The following EDN1 variants were observed in gnomAD, a reference collection of about 807,000 sequenced individuals.
EDN1 encodes the protein endothelin 1, also known as endothelin-1.
EDN1 carries 11 observed loss-of-function variants against 21.7 expected under a neutral mutation model. The observed-to-expected ratio is 0.51, with a 90% confidence interval of 0.32 to 0.84. The LOEUF (loss-of-function observed/expected upper bound fraction) is 0.84, where lower values mean the gene tolerates loss of function less well. Ranked by LOEUF, EDN1 falls within the 40% of genes least tolerant of loss-of-function variation. EDN1 has a pLI of 0.03. For synonymous variants in EDN1, 85 were observed against 90.6 expected (o/e 0.94, Z 0.35); for missense variants, 244 against 262.3 (o/e 0.93, Z 0.48).
the EDN1 span, among the ~76,000 whole-genome samples, chr6:12,241,166 C>CTTTTTTT: frequency 8.7e-4 from 121 of 138,336 alleles, 1 homozygote; most frequent in Non-Finnish European, 1.4e-3. Flanking sequence ...TTCTTTCTTT[C>CTTTTTTT]TTTTTTTTTT....
chr6:12,267,616 C>G, the EDN1 span, among the ~76,000 whole-genome samples: 1 of 152,144 alleles, frequency 6.6e-6, no homozygotes, highest in African/African-American at 2.4e-5. Flanking sequence ...AGGAAAGAAG[C>G]TATCTCCATA....
chr6:12,241,884 G>T, the EDN1 span, among the ~76,000 whole-genome samples: 2 of 152,160 alleles, frequency 1.3e-5, no homozygotes, highest in Admixed American at 6.5e-5. Context: ...GGAGAACAAG[G>T]GTGTGATGGT....
chr6:12,263,536 G>T, the EDN1 span, among the ~76,000 whole-genome samples: 1 of 152,160 alleles, frequency 6.6e-6, no homozygotes, highest in South Asian at 2.1e-4. Flanking sequence ...GTTTGGGTTT[G>T]TAGAGAGACT....
the EDN1 span, among the ~76,000 whole-genome samples, chr6:12,256,798 A>G: frequency 6.6e-6 from 1 of 152,248 alleles, no homozygotes; most frequent in Non-Finnish European, 1.5e-5. Flanking sequence ...AATTGTTTGC[A>G]TACTAGTACT....
chr6:12,274,939 C>CTCCTTCCTTCCTTCCTTCCTTCCT, the EDN1 span, among the ~76,000 whole-genome samples: 442 of 135,434 alleles, frequency 3.3e-3, 5 homozygotes, highest in South Asian at 0.014. Flanking sequence ...TTTCTTCCTT[C>CTCCTTCCTTCCTTCCTTCCTTCCT]TCCTTCCTTC....
At chr6:12,231,438 C>A in the EDN1 span, among the ~76,000 whole-genome samples, 1 of 152,170 alleles carries the variant, frequency 6.6e-6, no homozygotes, top group Non-Finnish European at 1.5e-5. Flanking sequence ...ATTCAAGACA[C>A]GTTTTATTGT....
chr6:12,273,822 GA>G, the EDN1 span, among the ~76,000 whole-genome samples: 1 of 152,060 alleles, frequency 6.6e-6, no homozygotes, highest in Non-Finnish European at 1.5e-5. Flanking sequence ...TGGAGAATTA[GA>G]ACTGTGTAGA....
At chr6:12,256,148 C>A in the EDN1 span, among the ~76,000 whole-genome samples, 1 of 152,070 alleles carries the variant, frequency 6.6e-6, no homozygotes, top group African/African-American at 2.4e-5. Flanking sequence ...GAGTTTGAGA[C>A]CAGCTTAGGC....
the EDN1 span, among the ~76,000 whole-genome samples, chr6:12,257,645 G>A: frequency 6.6e-6 from 1 of 150,618 alleles, no homozygotes; most frequent in Non-Finnish European, 1.5e-5. Flanking sequence ...GTTTCCAGTT[G>A]TGTTTGGAAA....
At chr6:12,293,191 A>G (rs538863863) in intron 2 of EDN1, among the ~76,000 whole-genome samples, 21 of 152,344 alleles carry the variant, frequency 1.4e-4, no homozygotes, top group African/African-American at 4.6e-4. Flanking sequence ...ACAAGCACAC[A>G]TTTACTATGC....
At chr6:12,240,012 A>G in the EDN1 span, among the ~76,000 whole-genome samples, 10 of 152,210 alleles carry the variant, frequency 6.6e-5, no homozygotes, top group African/African-American at 2.2e-4. Context: ...TTATAAAGTA[A>G]AATAAAAGCA....
At chr6:12,236,550 G>A in the EDN1 span, among the ~76,000 whole-genome samples, 327 of 152,208 alleles carry the variant, frequency 2.1e-3, 1 homozygote, top group African/African-American at 7.1e-3. Flanking sequence ...GTGAGCCACC[G>A]TGCCTGGCCC....
chr6:12,236,427 T>G, the EDN1 span, among the ~76,000 whole-genome samples: 1 of 152,168 alleles, frequency 6.6e-6, no homozygotes, highest in Non-Finnish European at 1.5e-5. Context: ...TAGGCTATTT[T>G]TTTTGTATTT....
At chr6:12,283,204 A>G in the EDN1 span, among the ~76,000 whole-genome samples, 2,256 of 152,336 alleles carry the variant, frequency 0.015, 55 homozygotes, top group African/African-American at 0.051. Context: ...TACGAAGACA[A>G]CCAGTAAAAT....
the EDN1 span, among the ~76,000 whole-genome samples, chr6:12,280,665 C>T: frequency 9.9e-5 from 15 of 152,222 alleles, no homozygotes; most frequent in African/African-American, 3.1e-4. Flanking sequence ...GAGCCTGAGA[C>T]GGACGGATCG....
chr6:12,282,106 A>C, the EDN1 span, among the ~76,000 whole-genome samples: 91 of 152,342 alleles, frequency 6.0e-4, 2 homozygotes, highest in African/African-American at 2.1e-3. Context: ...TTGAGTTTCT[A>C]TGCATGTTAG....
At position 12,296,902 on chromosome 6, in the gene EDN1, G is replaced by T. The variant is rs1166216089; in HGVS notation, c.*835G>T. On this transcript the variant is annotated 3_prime_UTR_variant, in exon 5 of 5. Coordinates refer to ENST00000379375, the MANE Select transcript of EDN1 (RefSeq NM_001955.5). ...GACACAATGGTATAGGGTTGTTTAT[G>T]AAATATATTGAAAAGTAAGTGTTTG... The T allele has an allele frequency of 6.6e-6, 1 of 152,198 alleles. No homozygotes were observed. The highest frequency in any genetic ancestry group is 1.5e-5 in the Non-Finnish European group (1 of 68,024). 9.4% of individuals were successfully genotyped at this position (152,198 alleles called of 1,614,324 possible).
At chr6:12,258,778 C>A in the EDN1 span, among the ~76,000 whole-genome samples, 2 of 152,144 alleles carry the variant, frequency 1.3e-5, no homozygotes, top group African/African-American at 2.4e-5. Flanking sequence ...CTGACAACAT[C>A]TCTATCTCTA....
chr6:12,241,354 C>T, the EDN1 span, among the ~76,000 whole-genome samples: 7 of 151,356 alleles, frequency 4.6e-5, no homozygotes, highest in South Asian at 2.1e-4. Context: ...TAGTAGAGAC[C>T]GGGTTTTGGT....
Sources: allele counts gnomAD v4.1 joint callset (sites outside exome capture counted in the v4.1 genomes callset), GRCh38; gene constraint gnomAD v4.1.1; transcripts MANE v1.5; gene names NCBI Gene and HGNC (gene_info 2026-07-23, HGNC 2026-07-21).